Variants in TRAP1 observed in about 807,000 individuals in gnomAD.
TRAP1 encodes TNF receptor associated protein 1, also known as heat shock protein 75 kDa, mitochondrial.
A neutral mutation model predicts 89.1 loss-of-function variants in TRAP1; 102 were observed. The observed-to-expected ratio is 1.15, with a 90% CI of 0.98 to 1.35. TRAP1 has a LOEUF of 1.35. Ranked by LOEUF, TRAP1 falls within the 40% of genes most tolerant of loss-of-function variation. TRAP1 has a pLI of 0.00. For missense variants in TRAP1, 1,256 were observed against 945.3 expected (o/e 1.33, Z -4.31); for synonymous variants, 508 against 388.0 (o/e 1.31, Z -3.64).
intron 1 of TRAP1, among the ~76,000 whole-genome samples, chr16:3,711,612 A>C (rs2051532740): frequency 6.6e-6 from 1 of 152,128 alleles, no homozygotes; most frequent in African/African-American, 2.4e-5. Context: ...AAAAACAAAA[A>C]AAAAACAAAA....
At chr16:3,692,594 C>T (rs1311763933) in intron 1 of TRAP1, among the ~76,000 whole-genome samples, 1 of 122,136 alleles carries the variant, frequency 8.2e-6, no homozygotes, top group Non-Finnish European at 1.6e-5. Context: ...CAAAAACTTG[C>T]CTTTTTTTTT....
chr16:3,669,157 C>A (rs1376661552), intron 11 of TRAP1, among the ~76,000 whole-genome samples: 1 of 152,218 alleles, frequency 6.6e-6, no homozygotes, highest in East Asian at 1.9e-4. Context: ...ATCCGGGAGT[C>A]AGCCCCAAGC....
intron 1 of TRAP1, among the ~76,000 whole-genome samples, chr16:3,698,937 T>C (rs72760804): frequency 0.046 from 7,045 of 152,172 alleles, 201 homozygotes; most frequent in Admixed American, 0.064. Flanking sequence ...GGAATAAATC[T>C]GCCTGAACCA....
chr16:3,659,100 ATATACAC>A, intron 16 of TRAP1: 2 of 507,832 alleles, frequency 3.9e-6, no homozygotes, highest in South Asian at 5.5e-5. Context: ...TCCAAGATTA[ATATACAC>A]TAAAGGGACA....
At chr16:3,713,735 C>T (rs767173165) in intron 1 of TRAP1, among the ~76,000 whole-genome samples, 4 of 152,204 alleles carry the variant, frequency 2.6e-5, no homozygotes, top group Admixed American at 6.5e-5. Context: ...TGGGAGACTG[C>T]GTCTGCTGTT....
chr16:3,714,268 G>T (rs1263833650), intron 1 of TRAP1, among the ~76,000 whole-genome samples: 1 of 152,120 alleles, frequency 6.6e-6, no homozygotes, highest in Non-Finnish European at 1.5e-5. Context: ...TTGACGACTC[G>T]GGGGCATTGG....
chr16:3,666,382 G>A (rs1412068744), intron 11 of TRAP1, among the ~76,000 whole-genome samples: 1 of 152,080 alleles, frequency 6.6e-6, no homozygotes, highest in Non-Finnish European at 1.5e-5. Context: ...CCCACGCCCG[G>A]AAAACCCTTC....
At chr16:3,687,917 C>T (rs542317074) in intron 3 of TRAP1, among the ~76,000 whole-genome samples, 2 of 150,336 alleles carry the variant, frequency 1.3e-5, no homozygotes, top group South Asian at 4.2e-4. Flanking sequence ...ATTAAGTCCG[C>T]AAGAGCACAT....
chr16:3,686,348 G>C (rs2051138618), intron 3 of TRAP1, among the ~76,000 whole-genome samples: 1 of 152,200 alleles, frequency 6.6e-6, no homozygotes, highest in Non-Finnish European at 1.5e-5. Flanking sequence ...ATTTCTTTGA[G>C]AGTCTCACTC....
intron 5 of TRAP1, among the ~76,000 whole-genome samples, chr16:3,678,708 G>A (rs1596719157): frequency 2.0e-5 from 3 of 152,060 alleles, no homozygotes; most frequent in African/African-American, 4.8e-5. Flanking sequence ...TGATCCACCT[G>A]CCTCGGCCTC....
intron 4 of TRAP1, 183 bp from the exon 5 acceptor site, chr16:3,679,973 T>C (rs1354743704): frequency 6.6e-6 from 4 of 610,158 alleles, no homozygotes; most frequent in Non-Finnish European, 1.2e-5. Context: ...TTCATGCCTG[T>C]AATCCCAGCA....
intron 12 of TRAP1, among the ~76,000 whole-genome samples, chr16:3,665,655 A>G (rs1596700251): frequency 6.6e-6 from 1 of 152,218 alleles, no homozygotes; most frequent in South Asian, 2.1e-4. Flanking sequence ...GTGGCTCCCC[A>G]GCCCCCAACA....
chr16:3,701,088 A>G (rs1344539137), intron 1 of TRAP1, among the ~76,000 whole-genome samples: 3 of 152,240 alleles, frequency 2.0e-5, no homozygotes, highest in Admixed American at 2.0e-4. Flanking sequence ...AGATACACTT[A>G]AGACAAATGA....
At chr16:3,680,002 G>A in intron 4 of TRAP1, 5 of 530,734 alleles carry the variant, frequency 9.4e-6, no homozygotes, top group Non-Finnish European at 1.7e-5. Flanking sequence ...GGCCAAGGCA[G>A]GCGGATCACT....
In TRAP1 at chr16:3,675,306, G is replaced by C. The variant is rs772767509; in HGVS notation, c.888+18C>G. On this transcript the variant is annotated intron_variant, in intron 8 of 17. Coordinates refer to ENST00000246957, the MANE Select transcript of TRAP1 (RefSeq NM_016292.3). Reference sequence around the variant, plus strand: ...TGTCTCCATGTTTGACCAGTCCCTAGAGGAACTCAGGGCTCACCTGCAAGG... The same window carrying C: ...TGTCTCCATGTTTGACCAGTCCCTACAGGAACTCAGGGCTCACCTGCAAGG... The C allele has an allele frequency of 1.9e-6, 3 of 1,611,954 alleles. No homozygotes were observed. The Admixed American group carries it at 5.0e-5, about 27-fold the overall frequency.
At chr16:3,682,551 A>G (rs530997944) in intron 4 of TRAP1, among the ~76,000 whole-genome samples, 225 of 152,072 alleles carry the variant, frequency 1.5e-3, no homozygotes, top group Middle Eastern at 3.4e-3. Context: ...TGCCACACCC[A>G]GCTAATTTCT....
intron 4 of TRAP1, among the ~76,000 whole-genome samples, chr16:3,682,412 C>T (rs566491823): frequency 7.3e-5 from 11 of 150,616 alleles, no homozygotes; most frequent in African/African-American, 1.7e-4. Context: ...AAAAATTTCT[C>T]GCTCTGTCAC....
chr16:3,659,763 A>AGATAGAT (rs1555461140), intron 16 of TRAP1: 1 of 151,028 alleles, frequency 6.6e-6, no homozygotes, highest in East Asian at 2.0e-4. Flanking sequence ...ATAGATAGAT[A>AGATAGAT]GATAGATAGA....
Position 3,672,832 on chromosome 16 carries a change from G to A in TRAP1, c.1045-12C>T. The A allele has an allele frequency of 1.2e-6, 2 of 1,610,380 alleles. No individual in the cohort carries two copies. Among genetic ancestry groups the A allele is most frequent in the Non-Finnish European group, 8.5e-7 (1 of 1,178,752 alleles). On this transcript the variant is annotated splice_polypyrimidine_tract_variant and intron_variant, in intron 9 of 17. Transcript: ENST00000246957. ...AACATGGACGGTTTCTGGGGGTGAGGAGAACACGCCATCATGCAGCACTGA... is the reference window on the plus strand; with the variant it reads ...AACATGGACGGTTTCTGGGGGTGAGAAGAACACGCCATCATGCAGCACTGA...
Sources: gnomAD v4.1 joint callset for allele counts (sites outside exome capture counted in the v4.1 genomes callset) on GRCh38, gnomAD v4.1.1 for gene constraint, MANE v1.5 for transcripts, NCBI Gene and HGNC (gene_info 2026-07-23, HGNC 2026-07-21) for gene names.